Variants in DGCR2 observed in about 807,000 individuals in gnomAD.
The protein encoded by DGCR2 is integral membrane protein DGCR2/IDD.
A neutral mutation model predicts 51.6 loss-of-function variants in DGCR2; 24 were observed. The ratio of observed to expected loss-of-function variants is 0.47; its 90% confidence interval spans 0.34 to 0.65. The LOEUF is 0.65. DGCR2 is among the 30% of genes least tolerant of loss of function. DGCR2 has a pLI of 0.01. For synonymous variants in DGCR2, 340 were observed against 315.4 expected (o/e 1.08, Z -0.82); for missense variants, 765 against 772.1 (o/e 0.99, Z 0.11).
At chr22:19,108,041 T>C (rs2083276526) in intron 1 of DGCR2, among the ~76,000 whole-genome samples, 1 of 152,110 alleles carries the variant, frequency 6.6e-6, no homozygotes, top group African/African-American at 2.4e-5. Context: ...AACACCGCCG[T>C]GTACCTCCTA....
rs1448947677 is a variant in DGCR2 at position 19,038,156 on chromosome 22, G to C, written c.*709C>G. 3 of 152,460 alleles carry C rather than the reference G, an allele frequency of 2.0e-5. No homozygotes were observed. The East Asian group carries it at 5.8e-4, about 29-fold the overall frequency. The allele number at this position is 152,460 out of a possible 1,614,324, so 9.4% of individuals were successfully genotyped here. A position where few individuals can be genotyped will look rare whatever the true frequency, so the allele number is the denominator to read the frequency against. ...AGAGGGACTGATGGGGTGGGGTCAG[G>C]CCTCCTGCCACAGAGCTGGGCTGCA... is the stretch of plus-strand genomic sequence containing the variant. On this transcript the variant is annotated 3_prime_UTR_variant, in exon 10 of 10. Transcript: ENST00000263196.
intron 4 of DGCR2, 74 bp from the exon 5 acceptor site, chr22:19,063,352 TG>T: frequency 6.8e-7 from 1 of 1,467,684 alleles, no homozygotes; most frequent in Non-Finnish European, 9.4e-7. Flanking sequence ...GTGTGTTTTT[TG>T]TTTTTTGAGA....
At chr22:19,101,737 TAAAAA>T (rs764584649) in intron 1 of DGCR2, among the ~76,000 whole-genome samples, 3 of 110,990 alleles carry the variant, frequency 2.7e-5, no homozygotes, top group African/African-American at 7.1e-5. Context: ...GCAAAACTGT[TAAAAA>T]AAAAAAAAAA....
At chr22:19,107,734 G>A (rs1382477893) in intron 1 of DGCR2, among the ~76,000 whole-genome samples, 1 of 152,210 alleles carries the variant, frequency 6.6e-6, no homozygotes, top group Non-Finnish European at 1.5e-5. Context: ...TTATTTCATG[G>A]GGGTTCGGGC....
intron 9 of DGCR2, among the ~76,000 whole-genome samples, chr22:19,039,522 A>G (rs913696689): frequency 3.3e-5 from 5 of 152,150 alleles, no homozygotes; most frequent in Non-Finnish European, 7.4e-5. Context: ...GGCATTTGTC[A>G]TCAGGGAGGC....
intron 2 of DGCR2, among the ~76,000 whole-genome samples, chr22:19,069,226 C>G (rs1284501448): frequency 6.6e-6 from 1 of 152,334 alleles, no homozygotes; most frequent in South Asian, 2.1e-4. Context: ...CTCGGCTCCC[C>G]AAGGGAGGTC....
At chr22:19,107,515 G>A (rs919400471) in intron 1 of DGCR2, among the ~76,000 whole-genome samples, 1 of 152,164 alleles carries the variant, frequency 6.6e-6, no homozygotes, top group African/African-American at 2.4e-5. Flanking sequence ...CAAAACACTG[G>A]CTCAGCTGCT....
chr22:19,040,431 G>A (rs2082418055), intron 9 of DGCR2, among the ~76,000 whole-genome samples: 1 of 152,214 alleles, frequency 6.6e-6, no homozygotes, highest in Non-Finnish European at 1.5e-5. Flanking sequence ...GTGTTAGGGG[G>A]CCTAATGCAC....
rs376481206 is a variant in DGCR2, at chr22:19,079,403, T to C, written c.202+9965A>G. 1.2e-4 allele frequency among the ~76,000 whole-genome samples: 19 copies of C among 152,360 alleles called. No homozygotes were observed. The East Asian group carries it at 1.9e-3, about 15-fold the overall frequency. ...GCTTTTTCTTGATTAGGCATTTTCT[T>C]AGCTGGGCTAAGAAACCTCTGACTG... is the stretch of plus-strand genomic sequence containing the variant. On this transcript the variant is annotated intron_variant, in intron 2 of 9. Transcript: ENST00000263196.
chr22:19,101,973 T>C (rs550773292), intron 1 of DGCR2, among the ~76,000 whole-genome samples: 2 of 152,016 alleles, frequency 1.3e-5, no homozygotes, highest in East Asian at 3.9e-4. Context: ...AAGAATTGTT[T>C]GAACCTGGGA....
At chr22:19,074,325 C>T (rs1487611463) in intron 2 of DGCR2, among the ~76,000 whole-genome samples, 1 of 150,788 alleles carries the variant, frequency 6.6e-6, no homozygotes, top group African/African-American at 2.4e-5. Flanking sequence ...ACTCAGGAGG[C>T]TGAGGCAGAA....
chr22:19,118,608 T>TA (rs1448674051), intron 1 of DGCR2, among the ~76,000 whole-genome samples: 1 of 151,998 alleles, frequency 6.6e-6, no homozygotes, highest in Admixed American at 6.6e-5. Context: ...GTACCAACAA[T>TA]AGAAGGAAGA....
At chr22:19,108,156 G>A (rs144120245) in intron 1 of DGCR2, among the ~76,000 whole-genome samples, 108 of 152,246 alleles carry the variant, frequency 7.1e-4, no homozygotes, top group Non-Finnish European at 1.3e-3. Context: ...GAAGAACTTC[G>A]TAACCTTGGG....
At chr22:19,095,008 C>T (rs980841577) in intron 1 of DGCR2, among the ~76,000 whole-genome samples, 9 of 152,100 alleles carry the variant, frequency 5.9e-5, no homozygotes, top group South Asian at 2.1e-4. Flanking sequence ...TTTGGGGTGA[C>T]GATACGCTGT....
At chr22:19,094,016 AT>A (rs944925206) in intron 1 of DGCR2, among the ~76,000 whole-genome samples, 21 of 147,336 alleles carry the variant, frequency 1.4e-4, no homozygotes, top group African/African-American at 4.2e-4. Context: ...CTAAAAAAAA[AT>A]AATAAATAAA....
chr22:19,047,960 G>A (rs2082507934), intron 7 of DGCR2: 1 of 185,580 alleles, frequency 5.4e-6, no homozygotes, highest in African/African-American at 2.4e-5. Context: ...GGGAAGCTGA[G>A]GTGGGTGGAT....
intron 7 of DGCR2, chr22:19,045,201 G>A (rs927506288): frequency 6.6e-6 from 1 of 152,244 alleles, no homozygotes; most frequent in Non-Finnish European, 1.5e-5. Context: ...AGCACCAGTG[G>A]TTGAAAGACT....
rs5747973 is a variant in DGCR2 at position 19,068,143 on chromosome 22, C to T, written c.285G>A (p.Ser95=). The T allele has an allele frequency of 1.1e-5, 18 of 1,609,800 alleles. No individual in the cohort carries two copies. The Admixed American group carries it at 1.5e-4, about 14-fold the overall frequency. ...GCGCCACGTTCACCGCGTGGAAGTG[C>T]GAAGGGTCGCCTCCTCTGGCCCGCC... ...RQGRARGGDP[S]HFHAVNVAQP... The change falls in exon 3 of 10, where the codon TCG becomes TCA. Residue 95 remains serine, a synonymous_variant. Transcript: ENST00000263196.
intron 1 of DGCR2, among the ~76,000 whole-genome samples, chr22:19,114,182 T>C (rs1168248562): frequency 3.3e-5 from 5 of 150,284 alleles, no homozygotes; most frequent in Non-Finnish European, 7.4e-5. Context: ...AAGTTATATA[T>C]GCACTGATCT....
Sources: gnomAD v4.1 joint callset for allele counts (sites outside exome capture counted in the v4.1 genomes callset) on GRCh38, gnomAD v4.1.1 for gene constraint, MANE v1.5 for transcripts, NCBI Gene and HGNC (gene_info 2026-07-23, HGNC 2026-07-21) for gene names.